The following AUTS2 variants were observed in gnomAD, a reference collection of about 807,000 sequenced individuals.
The protein encoded by AUTS2 is autism susceptibility gene 2 protein.
AUTS2 carries 17 observed loss-of-function variants against 112.4 expected under a neutral mutation model. The observed-to-expected ratio is 0.15, with a 90% CI of 0.10 to 0.23. The LOEUF (loss-of-function observed/expected upper bound fraction) is 0.23. Among genes scored for constraint, AUTS2 ranks in the 10% least tolerant of loss-of-function variants. AUTS2 has a pLI of 1.00. For missense variants in AUTS2, 1,510 were observed against 1,701.6 expected, an observed-to-expected ratio of 0.89 and a Z score of 1.98; for synonymous variants, 751 against 702.7, an observed-to-expected ratio of 1.07 and a Z score of -1.09.
intron 4 of AUTS2, among the ~76,000 whole-genome samples, chr7:70,257,173 C>T (rs889353303): frequency 2.0e-5 from 3 of 152,120 alleles, no homozygotes; most frequent in East Asian, 3.9e-4. Flanking sequence ...TGGGGTCTCA[C>T]TCTATTACCC....
chr7:69,725,583 T>C (rs1244685863), intron 1 of AUTS2, among the ~76,000 whole-genome samples: 1 of 152,072 alleles, frequency 6.6e-6, no homozygotes, highest in Non-Finnish European at 1.5e-5. Context: ...GACATGGAAA[T>C]GGTTTGCTCC....
chr7:70,549,286 G>A (rs911848962), intron 5 of AUTS2, among the ~76,000 whole-genome samples: 7 of 151,858 alleles, frequency 4.6e-5, no homozygotes, highest in East Asian at 3.9e-4. Context: ...AGATTTTTCC[G>A]TGTACAGGAT....
chr7:70,432,450 T>C (rs1795712006), intron 4 of AUTS2, among the ~76,000 whole-genome samples: 1 of 152,186 alleles, frequency 6.6e-6, no homozygotes, highest in Non-Finnish European at 1.5e-5. Flanking sequence ...GTATTAAATG[T>C]GAATTTGAGA....
At chr7:69,720,763 G>A (rs998106353) in intron 1 of AUTS2, among the ~76,000 whole-genome samples, 2 of 152,176 alleles carry the variant, frequency 1.3e-5, no homozygotes, top group African/African-American at 4.8e-5. Flanking sequence ...GACAGCTTCT[G>A]CTGTTATTAC....
chr7:70,711,133 C>A (rs534294197), intron 6 of AUTS2, among the ~76,000 whole-genome samples: 3 of 152,216 alleles, frequency 2.0e-5, no homozygotes, highest in East Asian at 1.9e-4. Context: ...CTCACCCCCC[C>A]AGAGCACACC....
At chr7:69,743,899 C>T (rs1787371752) in intron 1 of AUTS2, among the ~76,000 whole-genome samples, 1 of 152,068 alleles carries the variant, frequency 6.6e-6, no homozygotes, top group Non-Finnish European at 1.5e-5. Flanking sequence ...TGGGCTCAAG[C>T]AACTTCTCCC....
chr7:70,640,191 ATG>A (rs1446339638), intron 5 of AUTS2, among the ~76,000 whole-genome samples: 1 of 152,108 alleles, frequency 6.6e-6, no homozygotes, highest in Non-Finnish European at 1.5e-5. Flanking sequence ...ACGGATGTGC[ATG>A]TCTCATGACA....
chr7:70,189,347 G>A (rs1178860344), intron 4 of AUTS2, among the ~76,000 whole-genome samples: 2 of 152,276 alleles, frequency 1.3e-5, no homozygotes, highest in South Asian at 2.1e-4. Flanking sequence ...TCCCTACTGT[G>A]GCATTGAATC....
chr7:70,563,490 GT>G (rs1801575261), intron 5 of AUTS2, among the ~76,000 whole-genome samples: 1 of 152,174 alleles, frequency 6.6e-6, no homozygotes, highest in Non-Finnish European at 1.5e-5. Context: ...GATGTCACTG[GT>G]TTTGTCTGTC....
At chr7:70,710,701 A>C (rs2129549516) in intron 6 of AUTS2, among the ~76,000 whole-genome samples, 1 of 152,328 alleles carries the variant, frequency 6.6e-6, no homozygotes, top group Non-Finnish European at 1.5e-5. Flanking sequence ...CAAGTCCATA[A>C]TGTGTTCCTT....
intron 1 of AUTS2, among the ~76,000 whole-genome samples, chr7:69,741,548 T>TA (rs199838950): frequency 6.8e-4 from 104 of 151,922 alleles, no homozygotes; most frequent in African/African-American, 2.4e-3. Flanking sequence ...CTACTAAAAA[T>TA]AAAAAAATTA....
chr7:69,802,551 T>A (rs190628007), intron 1 of AUTS2, among the ~76,000 whole-genome samples: 2 of 152,318 alleles, frequency 1.3e-5, no homozygotes, highest in Admixed American at 1.3e-4. Flanking sequence ...TGAAATGTTA[T>A]CTTCTGTAAT....
At chr7:70,429,996 T>C (rs950293482) in intron 4 of AUTS2, among the ~76,000 whole-genome samples, 1 of 152,176 alleles carries the variant, frequency 6.6e-6, no homozygotes, top group African/African-American at 2.4e-5. Context: ...AAATCCACTC[T>C]TGTCAATAAG....
intron 4 of AUTS2, among the ~76,000 whole-genome samples, chr7:70,345,228 G>A (rs2129621271): frequency 6.6e-6 from 1 of 152,198 alleles, no homozygotes; most frequent in Admixed American, 6.5e-5. Context: ...CTACTGGATG[G>A]TTATCTAATC....
chr7:70,094,579 G>T (rs2129568264), intron 2 of AUTS2, among the ~76,000 whole-genome samples: 1 of 152,278 alleles, frequency 6.6e-6, no homozygotes, highest in South Asian at 2.1e-4. Context: ...AATATCATAA[G>T]ATACTGCTAC....
intron 1 of AUTS2, among the ~76,000 whole-genome samples, chr7:69,624,236 C>T (rs992788577): frequency 1.3e-5 from 2 of 152,172 alleles, no homozygotes; most frequent in African/African-American, 2.4e-5. Context: ...TCTTCTGACT[C>T]TAATAAACAA....
intron 5 of AUTS2, among the ~76,000 whole-genome samples, chr7:70,607,245 G>A (rs1427384738): frequency 6.6e-6 from 1 of 152,166 alleles, no homozygotes. Flanking sequence ...ACCTTAGAGT[G>A]TAGTCATGGA....
At chr7:69,612,607 G>A (rs1379264687) in intron 1 of AUTS2, among the ~76,000 whole-genome samples, 2 of 151,956 alleles carry the variant, frequency 1.3e-5, no homozygotes, top group African/African-American at 4.8e-5. Context: ...CCACAGGCGC[G>A]TCTCACCACG....
intron 1 of AUTS2, among the ~76,000 whole-genome samples, chr7:69,725,182 T>G (rs1786446891): frequency 6.6e-6 from 1 of 151,962 alleles, no homozygotes; most frequent in Non-Finnish European, 1.5e-5. Context: ...GGAGGGAGAG[T>G]ATTGGTATTA....
Sources: gnomAD v4.1 joint callset for allele counts (sites outside exome capture counted in the v4.1 genomes callset) on GRCh38, gnomAD v4.1.1 for gene constraint, MANE v1.5 for transcripts, NCBI Gene and HGNC (gene_info 2026-07-23, HGNC 2026-07-21) for gene names.